The following BICD1 variants were observed in gnomAD, a reference collection of about 807,000 sequenced individuals.
The protein encoded by BICD1 is BICD cargo adaptor 1.
A neutral mutation model predicts 92.5 loss-of-function variants in BICD1; 35 were observed. That is an observed-to-expected ratio of 0.38 (90% CI 0.29 to 0.50). BICD1 has a LOEUF of 0.50. BICD1 is among the 20% of genes least tolerant of loss of function. The probability of loss-of-function intolerance (pLI) is 0.93; values close to 1 mark genes in which losing one functional copy is unlikely to be tolerated. For synonymous variants in BICD1, 429 were observed against 465.1 expected (o/e 0.92, Z 1.00); for missense variants, 950 against 1,189.8 (o/e 0.80, Z 2.97).
intron 1 of BICD1, among the ~76,000 whole-genome samples, chr12:32,205,306 A>G (rs1372128141): frequency 6.6e-6 from 1 of 152,146 alleles, no homozygotes; most frequent in East Asian, 1.9e-4. Flanking sequence ...CAAATTAGTT[A>G]ACTCAGAATG....
At chr12:32,168,088 T>C (rs1943826821) in intron 1 of BICD1, among the ~76,000 whole-genome samples, 1 of 152,112 alleles carries the variant, frequency 6.6e-6, no homozygotes, top group Admixed American at 6.6e-5. Context: ...GTAGGCCCTA[T>C]ATAAGTGCTT....
intron 4 of BICD1, among the ~76,000 whole-genome samples, chr12:32,327,226 A>G (rs1477751069): frequency 6.6e-6 from 1 of 152,252 alleles, no homozygotes; most frequent in East Asian, 1.9e-4. Flanking sequence ...TATGTGTATG[A>G]TACAAGCGAA....
rs541069813 is a variant in BICD1 at position 32,225,646 on chromosome 12, G to A, written c.426+9187G>A. Among the ~76,000 whole-genome samples, 2 of 27,146 alleles carry A rather than the reference G, an allele frequency of 7.4e-5. 1 individual carries two copies. Among genetic ancestry groups the A allele is most frequent in the East Asian group, 8.1e-3 (2 of 248 alleles). The allele number at this position is 27,146 out of a possible 152,430, so 17.8% of individuals were successfully genotyped here. On this transcript the variant is annotated intron_variant, in intron 2 of 9. Coordinates refer to ENST00000652176, the MANE Select transcript of BICD1 (RefSeq NM_001714.4). ...GTTTTTTTTTTTTTTTTTTTTAGAC[G>A]GAGTTTTGCTCTTGTCCAGGCTGGA... is the stretch of plus-strand genomic sequence containing the variant.
intron 8 of BICD1, among the ~76,000 whole-genome samples, chr12:32,343,526 A>G (rs1474911213): frequency 6.6e-6 from 1 of 152,228 alleles, no homozygotes; most frequent in African/African-American, 2.4e-5. Flanking sequence ...AACCTGGGGA[A>G]GCAAGTTTGA....
At chr12:32,360,576 G>A (rs904280255) in intron 8 of BICD1, among the ~76,000 whole-genome samples, 1 of 152,144 alleles carries the variant, frequency 6.6e-6, no homozygotes, top group African/African-American at 2.4e-5. Flanking sequence ...TATCTCATAA[G>A]ACCAGGGAAA....
chr12:32,284,396 T>C (rs541209489), intron 2 of BICD1, among the ~76,000 whole-genome samples: 86 of 152,352 alleles, frequency 5.6e-4, no homozygotes, highest in African/African-American at 2.0e-3. Flanking sequence ...AATTTCTTTT[T>C]CTCTAACAAC....
At chr12:32,322,319 A>T (rs1157397261) in intron 4 of BICD1, among the ~76,000 whole-genome samples, 2 of 152,226 alleles carry the variant, frequency 1.3e-5, no homozygotes, top group Non-Finnish European at 2.9e-5. Context: ...AGAAAGTAGT[A>T]CTGTATAGCA....
chr12:32,170,392 G>A (rs7301601), intron 1 of BICD1, among the ~76,000 whole-genome samples: 104,473 of 152,016 alleles, frequency 0.69, 36,320 homozygotes, highest in Middle Eastern at 0.85. Flanking sequence ...AAATATGTCT[G>A]AGCCACTTAT....
At chr12:32,281,885 T>C (rs1947419203) in intron 2 of BICD1, among the ~76,000 whole-genome samples, 1 of 152,164 alleles carries the variant, frequency 6.6e-6, no homozygotes, top group Non-Finnish European at 1.5e-5. Context: ...GGTGCTCTTC[T>C]GGATCCTGGG....
intron 2 of BICD1, among the ~76,000 whole-genome samples, chr12:32,251,637 C>G (rs781471014): frequency 2.0e-5 from 3 of 152,122 alleles, no homozygotes; most frequent in Non-Finnish European, 4.4e-5. Context: ...ACATACTGTT[C>G]TACTATATGG....
chr12:32,281,786 A>C (rs1014222721), intron 2 of BICD1, among the ~76,000 whole-genome samples: 1 of 151,984 alleles, frequency 6.6e-6, no homozygotes, highest in Admixed American at 6.6e-5. Flanking sequence ...CATCCCAACA[A>C]CGCTTCCCAG....
intron 1 of BICD1, among the ~76,000 whole-genome samples, chr12:32,124,863 G>C (rs1253331931): frequency 6.6e-6 from 1 of 152,074 alleles, no homozygotes; most frequent in South Asian, 2.1e-4. Context: ...GGGGCCAGAT[G>C]GGGAAAGCTG....
At chr12:32,349,577 TAAA>T (rs1431601764) in intron 8 of BICD1, among the ~76,000 whole-genome samples, 1 of 152,162 alleles carries the variant, frequency 6.6e-6, no homozygotes, top group Non-Finnish European at 1.5e-5. Context: ...GGTCACTGTG[TAAA>T]ATCTACGCTT....
At chr12:32,107,600 C>A in intron 1 of BICD1, 56 bp downstream of exon 1, 1 of 1,504,208 alleles carries the variant, frequency 6.6e-7, no homozygotes, top group Non-Finnish European at 9.0e-7. Context: ...ACCCGCAAGG[C>A]CCACTCATCA....
At chr12:32,333,024 G>T in intron 5 of BICD1, 1 of 985,396 alleles carries the variant, frequency 1.0e-6, no homozygotes, top group Non-Finnish European at 1.2e-6. Context: ...AGGCTTTGGG[G>T]TATTTGTCAC....
intron 8 of BICD1, among the ~76,000 whole-genome samples, chr12:32,342,547 A>G (rs1208512158): frequency 1.3e-5 from 2 of 152,084 alleles, no homozygotes; most frequent in Non-Finnish European, 2.9e-5. Context: ...CACTGTGCCC[A>G]GCCTAAAATA....
intron 8 of BICD1, among the ~76,000 whole-genome samples, chr12:32,352,095 C>T (rs1938910816): frequency 6.6e-6 from 1 of 151,916 alleles, no homozygotes; most frequent in Non-Finnish European, 1.5e-5. Context: ...ATCCCAGCTA[C>T]TCAGGAGGCT....
At chr12:32,304,720 C>T (rs576893156) in intron 3 of BICD1, among the ~76,000 whole-genome samples, 45 of 152,244 alleles carry the variant, frequency 3.0e-4, no homozygotes, top group African/African-American at 1.0e-3. Context: ...AGAATATTAC[C>T]TCAATAACAA....
intron 2 of BICD1, among the ~76,000 whole-genome samples, chr12:32,289,147 G>A (rs1947658144): frequency 6.6e-6 from 1 of 152,150 alleles, no homozygotes; most frequent in Non-Finnish European, 1.5e-5. Context: ...GGGGCAGAGT[G>A]GTTGGAGACA....
Sources: allele counts gnomAD v4.1 joint callset (sites outside exome capture counted in the v4.1 genomes callset), GRCh38; gene constraint gnomAD v4.1.1; transcripts MANE v1.5; gene names NCBI Gene and HGNC (gene_info 2026-07-23, HGNC 2026-07-21).